SMIM12: variants seen among roughly 807,000 people sequenced by gnomAD.
The protein encoded by SMIM12 is small integral membrane protein 12.
In SMIM12, 5 loss-of-function variants were observed where a neutral mutation model predicts 6.3. The observed-to-expected ratio is 0.80, with a 90% confidence interval of 0.42 to 1.68. SMIM12 has a LOEUF of 1.68. Ranked by LOEUF, SMIM12 falls within the 40% of genes most tolerant of loss-of-function variation. The pLI, the probability that SMIM12 is intolerant of heterozygous loss-of-function variation, is 0.02. For synonymous variants in SMIM12, 51 were observed against 48.0 expected (o/e 1.06, Z -0.26); for missense variants, 103 against 121.4 (o/e 0.85, Z 0.71).
rs2148376515 is a variant in SMIM12 at position 34,853,330 on chromosome 1, A to T, written c.*2369T>A. On this transcript the variant is annotated 3_prime_UTR_variant, in exon 2 of 2. Transcript: ENST00000521580. ...GTGCTGACTTTAGTTAAACATCAGTAGGCTTCAAGAGGCAACAGCTTCTTA... is the reference window on the plus strand; with the variant it reads ...GTGCTGACTTTAGTTAAACATCAGTTGGCTTCAAGAGGCAACAGCTTCTTA... 6.6e-6 allele frequency: 1 copy of T among 152,404 alleles called. No homozygotes were observed. Among genetic ancestry groups the T allele is most frequent in the South Asian group, 2.1e-4 (1 of 4,824 alleles). The allele number at this position is 152,404 out of a possible 1,614,324, so 9.4% of individuals were successfully genotyped here.
intron 1 of SMIM12, chr1:34,857,805 A>G (rs1193152523): frequency 6.6e-6 from 1 of 152,180 alleles, no homozygotes; most frequent in Admixed American, 6.5e-5. Flanking sequence ...TTTTCCACAG[A>G]TGGGGGTTGG....
At chr1:34,857,312 G>A (rs1638686168) in intron 1 of SMIM12, 1 of 152,122 alleles carries the variant, frequency 6.6e-6, no homozygotes, top group South Asian at 2.1e-4. Context: ...TTGAAGTAGG[G>A]CAATACCAAA....
rs538325050 is a variant in SMIM12 at position 34,853,469 on chromosome 1, G to A, written c.*2230C>T. 1.3e-5 allele frequency: 2 copies of A among 152,308 alleles called. No individual in the cohort carries two copies. The highest frequency in any genetic ancestry group is 6.5e-5 in the Admixed American group (1 of 15,294). The allele number at this position is 152,308 out of a possible 1,614,324, so 9.4% of individuals were successfully genotyped here. A position where few individuals can be genotyped will look rare whatever the true frequency, so the allele number is the denominator to read the frequency against. On this transcript the variant is annotated 3_prime_UTR_variant, in exon 2 of 2. Transcript: ENST00000521580. ...CTTTTGGAAAGACATTTGGTGTTAT[G>A]CATGAGATCCTCAAAACTGCTCATT...
At position 34,855,342 on chromosome 1, in the gene SMIM12, C is replaced by A. The variant is rs1484987299; in HGVS notation, c.*357G>T. The stretch of plus-strand genomic sequence containing the variant: ...TGGAACTAGACATGCAGGTATCCCT[C>A]CTAAAGGCAACGCCCAAATCCCAGC... On this transcript the variant is annotated 3_prime_UTR_variant, in exon 2 of 2. Transcript: ENST00000521580. 7.0e-7 allele frequency: 1 copy of A among 1,420,520 alleles called. No homozygotes were observed. The highest frequency in any genetic ancestry group is 1.1e-5 in the South Asian group (1 of 88,560). The allele number at this position is 1,420,520 out of a possible 1,614,324, so 88.0% of individuals were successfully genotyped here.
Position 34,855,018 on chromosome 1 carries a change from A to T in SMIM12, c.*681T>A. On this transcript the variant is annotated 3_prime_UTR_variant, in exon 2 of 2. Coordinates refer to ENST00000521580, the MANE Select transcript of SMIM12 (RefSeq NM_138428.6). ...CTAACTCCTAAGAAGACCCCCAAAT[A>T]CCACCTGGATGATAAGATTCGATCA... 3.2e-6 allele frequency: 4 copies of T among 1,254,598 alleles called. No homozygotes were observed. Among genetic ancestry groups the T allele is most frequent in the Non-Finnish European group, 4.1e-6 (4 of 965,028 alleles). 77.7% of individuals were successfully genotyped at this position (1,254,598 alleles called of 1,614,324 possible).
At position 34,855,944 on chromosome 1, in the gene SMIM12, A is replaced by G. The variant is rs991824937; in HGVS notation, c.34T>C (p.Tyr12His). The G allele has an allele frequency of 6.4e-7, 1 of 1,550,878 alleles. No individual in the cohort carries two copies. The highest frequency in any genetic ancestry group is 1.4e-5 in the African/African-American group (1 of 73,150). The stretch of plus-strand genomic sequence containing the variant: ...ACAGGGAATGTGACATAAGGAGCAT[A>G]GGTACGAACCACGGTCCAAAACACA... ...WPVFWTVVRT[Y>H]APYVTFPVAF... The change falls in exon 2 of 2, where the codon TAT becomes CAT. Residue 12 changes from tyrosine (Y) to histidine (H), a missense_variant. Physicochemically the swap from Tyr to His is moderately conservative, Grantham distance 83. Coordinates refer to ENST00000521580, the MANE Select transcript of SMIM12 (RefSeq NM_138428.6).
intron 1 of SMIM12, chr1:34,857,532 C>T (rs1310949258): frequency 1.3e-5 from 2 of 152,188 alleles, no homozygotes; most frequent in Non-Finnish European, 2.9e-5. Flanking sequence ...ATACATAACC[C>T]ACTATCAGAG....
In SMIM12 at chr1:34,851,676, C is replaced by A. The variant is rs1640932951; in HGVS notation, c.*4023G>T. 6.6e-6 allele frequency: 1 copy of A among 152,256 alleles called. No homozygotes were observed. The highest frequency in any genetic ancestry group is 2.4e-5 in the African/African-American group (1 of 41,440). 9.4% of individuals were successfully genotyped at this position (152,256 alleles called of 1,614,324 possible). Reference sequence around the variant, plus strand: ...ACTTGTGCTAACACAGCAACAGGCACAGGAAAGAGTCTAGAAAGAGTGGAA... The same window carrying A: ...ACTTGTGCTAACACAGCAACAGGCAAAGGAAAGAGTCTAGAAAGAGTGGAA... On this transcript the variant is annotated 3_prime_UTR_variant, in exon 2 of 2. Transcript: ENST00000521580.
At position 34,855,745 on chromosome 1, in the gene SMIM12, A is replaced by C. The variant is rs981615058; in HGVS notation, c.233T>G (p.Phe78Cys). 6.3e-7 allele frequency: 1 copy of C among 1,598,000 alleles called. No homozygotes were observed. Among genetic ancestry groups the C allele is most frequent in the Non-Finnish European group, 8.5e-7 (1 of 1,171,548 alleles). The change falls in exon 2 of 2, where the codon TTT (phenylalanine) becomes TGT (cysteine). Residue 78 changes from phenylalanine to cysteine, a missense_variant. Physicochemically the swap from Phe to Cys is radical, Grantham distance 205 (BLOSUM62 -2). Transcript: ENST00000521580. ...TCTGTTCAGCACAGCTTTCGGGGCA[A>C]ATTCTAGCTTGTCCTTAAGGCTCAC... The part of the protein sequence containing the change: ...QVVSLKDKLE[F>C]APKAVLNRNR...
intron 1 of SMIM12, chr1:34,858,685 A>G (rs1415349615): frequency 1.3e-5 from 2 of 152,250 alleles, no homozygotes; most frequent in African/African-American, 4.8e-5. Flanking sequence ...GTCTTAAAAC[A>G]TATCGCGCAT....
At position 34,850,649 on chromosome 1, in the gene SMIM12, T is replaced by C. The variant is rs1242765468; in HGVS notation, c.*5050A>G. The C allele has an allele frequency of 6.6e-6, 1 of 152,176 alleles. No individual in the cohort carries two copies. The highest frequency in any genetic ancestry group is 1.9e-4 in the East Asian group (1 of 5,188). The allele number at this position is 152,176 out of a possible 1,614,324, so 9.4% of individuals were successfully genotyped here. ...TAGCACTTGCATGTTTTCAGAGCAC[T>C]CTAAACTGGTTGTCTCACTCTTTTC... On this transcript the variant is annotated 3_prime_UTR_variant, in exon 2 of 2. Coordinates refer to ENST00000521580, the MANE Select transcript of SMIM12 (RefSeq NM_138428.6).
chr1:34,857,192 T>C (rs2148383137), intron 1 of SMIM12: 1 of 127,668 alleles, frequency 7.8e-6, no homozygotes, highest in East Asian at 2.7e-4. Context: ...ATACTCTGGA[T>C]ACCGCAGAAC....
In SMIM12 at chr1:34,855,627, C is replaced by G. The variant is rs1638623738; in HGVS notation, c.*72G>C. 1 of 1,614,004 alleles carries G rather than the reference C, an allele frequency of 6.2e-7. No individual in the cohort carries two copies. Among genetic ancestry groups the G allele is most frequent in the African/African-American group, 1.3e-5 (1 of 75,052 alleles). On this transcript the variant is annotated 3_prime_UTR_variant, in exon 2 of 2. Transcript: ENST00000521580. ...CAACAAAGCCAATTAGATGTGGGTT[C>G]TGGGGCTCTGTCAACATGGTAGCAG...
At position 34,855,341 on chromosome 1, in the gene SMIM12, T is replaced by C. The variant is rs575311714; in HGVS notation, c.*358A>G. 16 of 1,418,934 alleles carry C rather than the reference T, an allele frequency of 1.1e-5. No individual in the cohort carries two copies. The Admixed American group carries it at 2.0e-4, about 18-fold the overall frequency. 87.9% of individuals were successfully genotyped at this position (1,418,934 alleles called of 1,614,324 possible). Reference sequence around the variant, plus strand: ...CTGGAACTAGACATGCAGGTATCCCTCCTAAAGGCAACGCCCAAATCCCAG... The same window carrying C: ...CTGGAACTAGACATGCAGGTATCCCCCCTAAAGGCAACGCCCAAATCCCAG... On this transcript the variant is annotated 3_prime_UTR_variant, in exon 2 of 2. Transcript: ENST00000521580.
At chr1:34,858,794 G>T (rs1254132475) in intron 1 of SMIM12, 1 of 151,968 alleles carries the variant, frequency 6.6e-6, no homozygotes, top group Admixed American at 6.5e-5. Context: ...TCCTTTATTC[G>T]ACACTTATAA....
rs1469589393 is a variant in SMIM12 at position 34,851,386 on chromosome 1, C to A, written c.*4313G>T. Reference sequence around the variant, plus strand: ...ATTCATAACTCGAGCCTGTCAGACTCTAGAATCCACTTTATTTTTCCTCTG... The same window carrying A: ...ATTCATAACTCGAGCCTGTCAGACTATAGAATCCACTTTATTTTTCCTCTG... On this transcript the variant is annotated 3_prime_UTR_variant, in exon 2 of 2. Coordinates refer to ENST00000521580, the MANE Select transcript of SMIM12 (RefSeq NM_138428.6). 1 of 152,208 alleles carries A rather than the reference C, an allele frequency of 6.6e-6. No individual in the cohort carries two copies. The highest frequency in any genetic ancestry group is 1.5e-5 in the Non-Finnish European group (1 of 68,036). 9.4% of individuals were successfully genotyped at this position (152,208 alleles called of 1,614,324 possible). A position where few individuals can be genotyped will look rare whatever the true frequency, so the allele number is the denominator to read the frequency against.
chr1:34,852,082 G>A lies in SMIM12; in HGVS notation c.*3617C>T, dbSNP rs1640946655. 1.3e-5 allele frequency among the ~76,000 whole-genome samples: 2 copies of A among 152,174 alleles called. No homozygotes were observed. Among genetic ancestry groups the A allele is most frequent in the African/African-American group, 2.4e-5 (1 of 41,436 alleles). Reference sequence around the variant, plus strand: ...AACGGCTGATTTCAGCCAGCCTGTGGGAAAGAAAGATCTAGCTGAGAACAC... The same window carrying A: ...AACGGCTGATTTCAGCCAGCCTGTGAGAAAGAAAGATCTAGCTGAGAACAC... On this transcript the variant is annotated 3_prime_UTR_variant, in exon 2 of 2. Coordinates refer to ENST00000521580, the MANE Select transcript of SMIM12 (RefSeq NM_138428.6).
rs2148375141 is a variant in SMIM12 at position 34,852,415 on chromosome 1, G to C, written c.*3284C>G. Among the ~76,000 whole-genome samples, 1 of 141,328 alleles carries C rather than the reference G, an allele frequency of 7.1e-6. No individual in the cohort carries two copies. The highest frequency in any genetic ancestry group is 2.3e-4 in the South Asian group (1 of 4,426). 92.7% of individuals were successfully genotyped at this position (141,328 alleles called of 152,430 possible). A position where few individuals can be genotyped will look rare whatever the true frequency, so the allele number is the denominator to read the frequency against. Reference sequence around the variant, plus strand: ...TACAGGATGCCCAAAAGTGTTTTGAGGGAAACCAATTCTGGGATCTAATAT... The same window carrying C: ...TACAGGATGCCCAAAAGTGTTTTGACGGAAACCAATTCTGGGATCTAATAT... On this transcript the variant is annotated 3_prime_UTR_variant, in exon 2 of 2. Coordinates refer to ENST00000521580, the MANE Select transcript of SMIM12 (RefSeq NM_138428.6).
chr1:34,856,655 T>C (rs938347737), intron 1 of SMIM12: 2 of 152,218 alleles, frequency 1.3e-5, no homozygotes, highest in African/African-American at 2.4e-5. Flanking sequence ...AATTTCTCCA[T>C]GAGCACAGCC....
Sources: allele counts gnomAD v4.1 joint callset (sites outside exome capture counted in the v4.1 genomes callset), GRCh38; gene constraint gnomAD v4.1.1; transcripts MANE v1.5; gene names NCBI Gene and HGNC (gene_info 2026-07-23, HGNC 2026-07-21).